Variants in GSE1 observed in about 807,000 individuals in gnomAD.
GSE1 encodes genetic suppressor element 1.
Under a neutral mutation model 112.6 loss-of-function variants are expected in GSE1, and 32 were observed. That is an observed-to-expected ratio of 0.28 (90% CI 0.21 to 0.38). The LOEUF (loss-of-function observed/expected upper bound fraction) is 0.38. Among genes scored for constraint, GSE1 ranks in the 10% least tolerant of loss-of-function variants. The pLI, the probability that GSE1 is intolerant of heterozygous loss-of-function variation, is 1.00. For missense variants in GSE1, 2,348 were observed against 1,699.2 expected (o/e 1.38, Z -6.71); for synonymous variants, 1,115 against 735.6 (o/e 1.52, Z -8.35).
At chr16:85,617,894 A>ACGTCTCCCCTCTACGC (rs2048478513) in intron 1 of GSE1, among the ~76,000 whole-genome samples, 1 of 151,890 alleles carries the variant, frequency 6.6e-6, no homozygotes, top group Non-Finnish European at 1.5e-5. Context: ...TCAGAAATGG[A>ACGTCTCCCCTCTACGC]CGTCTCCCCT....
intron 1 of GSE1, among the ~76,000 whole-genome samples, chr16:85,236,439 G>T (rs759735688): frequency 6.6e-6 from 1 of 152,240 alleles, no homozygotes; most frequent in Admixed American, 6.5e-5. Flanking sequence ...TGAGACTTGG[G>T]GTCCCACTGG....
chr16:85,456,370 C>G (rs1038255268), intron 2 of GSE1, among the ~76,000 whole-genome samples: 3 of 152,160 alleles, frequency 2.0e-5, no homozygotes, highest in African/African-American at 4.8e-5. Context: ...ACCCTTTGAG[C>G]TTGTTCTGGA....
At chr16:85,420,660 G>A (rs1385916572) in intron 2 of GSE1, among the ~76,000 whole-genome samples, 4 of 152,184 alleles carry the variant, frequency 2.6e-5, no homozygotes, top group South Asian at 4.1e-4. Flanking sequence ...CACCGGGCAT[G>A]CTGGTGCTCA....
chr16:85,225,076 A>T (rs1316603211), intron 1 of GSE1, among the ~76,000 whole-genome samples: 1 of 152,134 alleles, frequency 6.6e-6, no homozygotes, highest in East Asian at 1.9e-4. Context: ...AGTTGCAGTG[A>T]GCCGAGATCG....
chr16:85,583,660 C>G (rs926976871), intron 1 of GSE1: 1 of 152,214 alleles, frequency 6.6e-6, no homozygotes, highest in African/African-American at 2.4e-5. Flanking sequence ...CTGCAGCACC[C>G]CCATATTCAG....
At chr16:85,248,394 CTTCT>C (rs1906098266) in intron 1 of GSE1, among the ~76,000 whole-genome samples, 1 of 151,840 alleles carries the variant, frequency 6.6e-6, no homozygotes, top group African/African-American at 2.4e-5. Flanking sequence ...TTTTTTCCCT[CTTCT>C]TTCTGTTTCC....
intron 1 of GSE1, among the ~76,000 whole-genome samples, chr16:85,201,338 GT>G (rs11297737): frequency 0.45 from 61,459 of 136,550 alleles, 13,452 homozygotes; most frequent in African/African-American, 0.59. Context: ...TCCCTTTGGT[GT>G]TTTTTTTTTT....
intron 2 of GSE1, among the ~76,000 whole-genome samples, chr16:85,640,757 G>A (rs972124405): frequency 5.3e-5 from 8 of 152,266 alleles, no homozygotes; most frequent in East Asian, 1.9e-4. Context: ...AAACACGGAG[G>A]AAGGATCCCG....
intron 1 of GSE1, among the ~76,000 whole-genome samples, chr16:85,214,831 G>T (rs2075283148): frequency 6.6e-6 from 1 of 151,616 alleles, no homozygotes. Flanking sequence ...GGCCCTCGTG[G>T]ATGGACAGGT....
At chr16:85,278,369 G>A (rs568478729) in intron 1 of GSE1, among the ~76,000 whole-genome samples, 1 of 152,304 alleles carries the variant, frequency 6.6e-6, no homozygotes, top group African/African-American at 2.4e-5. Context: ...ACTGAGCAGT[G>A]CTTTGCTTCT....
intron 2 of GSE1, among the ~76,000 whole-genome samples, chr16:85,538,990 T>C (rs1293224147): frequency 6.6e-6 from 1 of 151,966 alleles, no homozygotes; most frequent in African/African-American, 2.4e-5. Flanking sequence ...CGGGCCACCA[T>C]GGCATCCGCC....
chr16:85,625,726 G>A (rs765220949), intron 1 of GSE1, among the ~76,000 whole-genome samples: 50 of 152,314 alleles, frequency 3.3e-4, no homozygotes, highest in Non-Finnish European at 5.4e-4. Flanking sequence ...CAAGGGTGTC[G>A]TGGGGCTCGG....
intron 2 of GSE1, among the ~76,000 whole-genome samples, chr16:85,430,757 C>A (rs1472529584): frequency 6.6e-6 from 1 of 152,226 alleles, no homozygotes; most frequent in Non-Finnish European, 1.5e-5. Context: ...GACGTAGGCA[C>A]ACACGTGCAT....
At chr16:85,330,985 C>T in intron 1 of GSE1, among the ~76,000 whole-genome samples, 1 of 152,056 alleles carries the variant, frequency 6.6e-6, no homozygotes, top group East Asian at 1.9e-4. Flanking sequence ...GGATTTAATG[C>T]AAGCCACCTA....
intron 2 of GSE1, among the ~76,000 whole-genome samples, chr16:85,542,849 C>G (rs1281193050): frequency 6.6e-6 from 1 of 152,216 alleles, no homozygotes; most frequent in African/African-American, 2.4e-5. Context: ...GCAGCAGCTG[C>G]TGCAATACAG....
intron 15 of GSE1, chr16:85,671,815 C>G (rs1442180756): frequency 6.5e-6 from 1 of 154,654 alleles, no homozygotes; most frequent in African/African-American, 2.4e-5. Flanking sequence ...TGGCTCACAG[C>G]CACACTAGCA....
chr16:85,394,493 T>C (rs1384981265), intron 2 of GSE1, among the ~76,000 whole-genome samples: 1 of 152,174 alleles, frequency 6.6e-6, no homozygotes, highest in Non-Finnish European at 1.5e-5. Flanking sequence ...GTTCCTCGGA[T>C]GAGCGGCTTG....
intron 1 of GSE1, among the ~76,000 whole-genome samples, chr16:85,569,277 C>T (rs535289491): frequency 7.2e-4 from 110 of 152,230 alleles, no homozygotes; most frequent in Non-Finnish European, 1.2e-3. Context: ...TAGGAGTGGC[C>T]GCTCCCTGCT....
chr16:85,422,072 GA>G (rs1157899804), intron 2 of GSE1, among the ~76,000 whole-genome samples: 1 of 152,242 alleles, frequency 6.6e-6, no homozygotes, highest in East Asian at 1.9e-4. Flanking sequence ...GCCCAGCATG[GA>G]AAAGCTGCAC....
Sources: gnomAD v4.1 joint callset for allele counts (sites outside exome capture counted in the v4.1 genomes callset) on GRCh38, gnomAD v4.1.1 for gene constraint, MANE v1.5 for transcripts, NCBI Gene and HGNC (gene_info 2026-07-23, HGNC 2026-07-21) for gene names.